ASPG: variants seen among roughly 807,000 people sequenced by gnomAD.
ASPG encodes the protein asparaginase.
In ASPG, 53 loss-of-function variants were observed where a neutral mutation model predicts 63.2. That is an observed-to-expected ratio of 0.84 (90% CI 0.67 to 1.05). The LOEUF is 1.05. ASPG is among the 50% of genes least tolerant of loss of function. ASPG has a pLI of 0.00. For missense variants in ASPG, 741 were observed against 794.4 expected (o/e 0.93, Z 0.81); for synonymous variants, 370 against 355.0 (o/e 1.04, Z -0.48).
At chr14:104,108,863 G>A (rs2037263372) in intron 12 of ASPG, 1 of 985,388 alleles carries the variant, frequency 1.0e-6, no homozygotes, top group Non-Finnish European at 1.2e-6. Flanking sequence ...CCTCTGAAAT[G>A]GGCTGTCCCC....
In ASPG at chr14:104,109,504, C is replaced by A. The variant is rs974406789; in HGVS notation, c.1520+189C>A. Reference sequence around the variant, plus strand: ...GTCTACCCTGGACCATGTCATGGGGCAGGGGAAGGAGTTGTTCTCAGCTGA... The same window carrying A: ...GTCTACCCTGGACCATGTCATGGGGAAGGGGAAGGAGTTGTTCTCAGCTGA... On this transcript the variant is annotated intron_variant, in intron 13 of 15. Coordinates refer to ENST00000551177, the MANE Select transcript of ASPG (RefSeq NM_001080464.3). The surrounding 1 kb of genome is among the most constrained non-coding windows in gnomAD (Gnocchi z 4.8). Among the ~76,000 whole-genome samples, 1 of 151,986 alleles carries A rather than the reference C, an allele frequency of 6.6e-6. No individual in the cohort carries two copies. Among genetic ancestry groups the A allele is most frequent in the Non-Finnish European group, 1.5e-5 (1 of 67,978 alleles).
At position 104,098,991 on chromosome 14, in the gene ASPG, A is replaced by C; in HGVS notation, c.640+12A>C. 1 of 1,577,138 alleles carries C rather than the reference A, an allele frequency of 6.3e-7. No individual in the cohort carries two copies. Among genetic ancestry groups the C allele is most frequent in the East Asian group, 2.3e-5 (1 of 43,410 alleles). ...TGCTGACATCACAAGTAAGCCCCGC[A>C]GGAGCAGGGCCAGGTGCCTGCCCAG... On this transcript the variant is annotated intron_variant, in intron 6 of 15. Transcript: ENST00000551177.
At chr14:104,087,752 A>G (rs2140971812) in intron 1 of ASPG, among the ~76,000 whole-genome samples, 1 of 152,334 alleles carries the variant, frequency 6.6e-6, no homozygotes, top group Non-Finnish European at 1.5e-5. Context: ...CTGCAGGGGC[A>G]GGTGGACTCT....
chr14:104,113,390 T>G lies in ASPG; in HGVS notation c.*846T>G, dbSNP rs1045939278. On this transcript the variant is annotated 3_prime_UTR_variant, in exon 16 of 16. Transcript: ENST00000551177. ...TGCTGCTGCCCGGTGGGGGTGGTGC[T>G]CCAAGGCCAAGGGCAGCCTCGTGCC... 3 of 152,612 alleles carry G rather than the reference T, an allele frequency of 2.0e-5. No homozygotes were observed. Among genetic ancestry groups the G allele is most frequent in the African/African-American group, 7.2e-5 (3 of 41,430 alleles). The allele number at this position is 152,612 out of a possible 1,614,324, so 9.5% of individuals were successfully genotyped here.
At chr14:104,106,993 C>A in intron 11 of ASPG, 99 bp downstream of exon 11, 1 of 1,346,560 alleles carries the variant, frequency 7.4e-7, no homozygotes, top group Non-Finnish European at 1.0e-6. Flanking sequence ...CCACTGACCA[C>A]ACTAAGCCCT....
chr14:104,107,256 G>T lies in ASPG; in HGVS notation c.1344G>T (p.Glu448Asp), dbSNP rs759467403. The change falls in exon 12 of 16, where the codon GAG becomes GAT. Residue 448 changes from glutamate (E) to aspartate (D), a missense_variant. By Grantham distance (45) the Glu-to-Asp change is conservative (BLOSUM62 2). Transcript: ENST00000551177. ...LHAAARGGHT[E>D]AVTMLLQRGV... ...CGGCCGCCCGGGGAGGCCACACAGAGGCAGTCACCATGCTGCTGCAGAGAG... is the reference window on the plus strand; with the variant it reads ...CGGCCGCCCGGGGAGGCCACACAGATGCAGTCACCATGCTGCTGCAGAGAG... The T allele has an allele frequency of 3.1e-6, 5 of 1,609,074 alleles. No homozygotes were observed. The highest frequency in any genetic ancestry group is 3.4e-6 in the Non-Finnish European group (4 of 1,177,542).
rs1368999888 is a variant in ASPG, at chr14:104,107,307, G to A, written c.1395G>A (p.Thr465=). 6.2e-6 allele frequency: 10 copies of A among 1,602,680 alleles called. No homozygotes were observed. The highest frequency in any genetic ancestry group is 3.3e-4 in the Middle Eastern group (2 of 6,042). Residue 465 remains threonine (T), a synonymous_variant, in exon 12 of 16, where the codon ACG becomes ACA. Coordinates refer to ENST00000551177, the MANE Select transcript of ASPG (RefSeq NM_001080464.3). Reference sequence around the variant, plus strand: ...GTGTGGACGTGAACACCCGGGACACGGATGGCTTCAGCCCGCTGCTGCTGG... The same window carrying A: ...GTGTGGACGTGAACACCCGGGACACAGATGGCTTCAGCCCGCTGCTGCTGG... The part of the protein sequence containing the change: ...QRGVDVNTRD[T]DGFSPLLLAV...
rs745600468 is a variant in ASPG at position 104,109,179 on chromosome 14, C to A, written c.1434-50C>A. ...CTGCTGGCTCCTGAGTGAGGTGCAG[C>A]GGGGCTGGGCTGGCCAGGGCAGAAG... On this transcript the variant is annotated intron_variant, in intron 12 of 15. Transcript: ENST00000551177. This position sits in a 1 kb window ranked among gnomAD's most constrained non-coding sequence, Gnocchi z 4.8. 6.2e-7 allele frequency: 1 copy of A among 1,600,162 alleles called. No individual in the cohort carries two copies.
intron 14 of ASPG, 145 bp from the exon 15 acceptor site, chr14:104,111,775 G>T: frequency 1.0e-6 from 1 of 970,994 alleles, no homozygotes. Context: ...GGCTCTGAGT[G>T]GTGGGGGTGA....
Position 104,110,446 on chromosome 14 carries a change from CAGT to C in ASPG, c.1521-1052_1521-1050del. The C allele has an allele frequency of 2.3e-5, 23 of 985,342 alleles. No individual in the cohort carries two copies. Among genetic ancestry groups the C allele is most frequent in the Non-Finnish European group, 2.7e-5 (22 of 829,906 alleles). 61.0% of individuals were successfully genotyped at this position (985,342 alleles called of 1,614,324 possible). ...CCATTGACAGATGGGGAAACTGAGG[CAGT>C]AGTCAGGTCCTGTGGGAGCTGGGAC... is the stretch of plus-strand genomic sequence containing the variant. On this transcript the variant is annotated intron_variant, in intron 13 of 15. Coordinates refer to ENST00000551177, the MANE Select transcript of ASPG (RefSeq NM_001080464.3). This position sits in a 1 kb window ranked among gnomAD's most constrained non-coding sequence, Gnocchi z 4.7.
At chr14:104,102,872 A>G (rs925574558) in intron 6 of ASPG, among the ~76,000 whole-genome samples, 5 of 152,104 alleles carry the variant, frequency 3.3e-5, no homozygotes, top group Non-Finnish European at 7.4e-5. Context: ...ATCCCTCCCC[A>G]CTTCACCTGG....
intron 1 of ASPG, among the ~76,000 whole-genome samples, chr14:104,090,993 G>A (rs1389893255): frequency 6.6e-6 from 1 of 152,132 alleles, no homozygotes; most frequent in East Asian, 1.9e-4. Flanking sequence ...AACCTCCCAA[G>A]TAGCTGGGAT....
At chr14:104,088,104 G>C (rs551714106) in intron 1 of ASPG, among the ~76,000 whole-genome samples, 34 of 152,314 alleles carry the variant, frequency 2.2e-4, no homozygotes, top group Non-Finnish European at 3.7e-4. Flanking sequence ...CCAACCCCTC[G>C]TGAGGTTGGA....
At position 104,093,597 on chromosome 14, in the gene ASPG, A is replaced by G. The variant is rs752418959; in HGVS notation, c.298A>G (p.Ile100Val). 1.0e-5 allele frequency: 16 copies of G among 1,598,632 alleles called. No individual in the cohort carries two copies. The highest frequency in any genetic ancestry group is 1.3e-5 in the Non-Finnish European group (15 of 1,170,148). ...IAEWVCLAQT[I>V]KRHYEQYHGF... ...TGAGTGGGTTTGCCTTGCCCAGACC[A>G]TCAAGGTAGTGGGGCTGGGGAATGC... is the stretch of plus-strand genomic sequence containing the variant. Residue 100 changes from isoleucine to valine, a missense_variant, in exon 3 of 16, where the codon ATC becomes GTC. Ile to Val is a conservative substitution (Grantham distance 29). Coordinates refer to ENST00000551177, the MANE Select transcript of ASPG (RefSeq NM_001080464.3).
intron 9 of ASPG, 131 bp downstream of exon 9, chr14:104,104,866 G>A: frequency 1.3e-6 from 1 of 769,012 alleles, no homozygotes; most frequent in Non-Finnish European, 2.0e-6. Flanking sequence ...TTGGGAAGGG[G>A]AGGGATGTGG....
At position 104,092,711 on chromosome 14, in the gene ASPG, G is replaced by T; in HGVS notation, c.161G>T (p.Arg54Leu). The T allele has an allele frequency of 6.5e-7, 1 of 1,536,308 alleles. No individual in the cohort carries two copies. The highest frequency in any genetic ancestry group is 8.7e-7 in the Non-Finnish European group (1 of 1,146,792). ...MFHDEEHARA[R>L]GLSEDTLVLP... ...CATGACGAGGAGCACGCCCGAGCCC[G>T]CGGCCTCTCTGAGGACACCCTGGTG... is the stretch of plus-strand genomic sequence containing the variant. Residue 54 changes from arginine (R) to leucine (L), a missense_variant, in exon 2 of 16, where the codon CGC becomes CTC. By Grantham distance (102) the Arg-to-Leu change is moderately radical. Transcript: ENST00000551177.
At chr14:104,108,804 G>C (rs1254071559) in intron 12 of ASPG, 1 of 985,328 alleles carries the variant, frequency 1.0e-6, no homozygotes, top group Non-Finnish European at 1.2e-6. Context: ...CACGGGGTGT[G>C]ATCAGCGTTT....
intron 1 of ASPG, among the ~76,000 whole-genome samples, chr14:104,087,943 C>T (rs1339816691): frequency 6.6e-6 from 1 of 152,176 alleles, no homozygotes; most frequent in African/African-American, 2.4e-5. Context: ...AGACCTGAAG[C>T]AGCCTTCTGA....
intron 5 of ASPG, among the ~76,000 whole-genome samples, chr14:104,098,463 C>G (rs557810691): frequency 6.6e-6 from 1 of 152,216 alleles, no homozygotes; most frequent in East Asian, 1.9e-4. Flanking sequence ...TCCCATTCAC[C>G]GTGGGCAGGG....
Sources: allele counts gnomAD v4.1 joint callset (sites outside exome capture counted in the v4.1 genomes callset), GRCh38; gene constraint gnomAD v4.1.1; non-coding constraint Gnocchi (gnomAD v3.1); transcripts MANE v1.5; gene names NCBI Gene and HGNC (gene_info 2026-07-23, HGNC 2026-07-21).